The following EPHB1 variants were observed in gnomAD, a reference collection of about 807,000 sequenced individuals.
EPHB1 encodes EPH receptor B1.
EPHB1 carries 30 observed loss-of-function variants against 94.4 expected under a neutral mutation model. The observed-to-expected ratio is 0.32, with a 90% CI of 0.24 to 0.43. The LOEUF (loss-of-function observed/expected upper bound fraction) is 0.43. Among genes scored for constraint, EPHB1 ranks in the 20% least tolerant of loss-of-function variants. The pLI is 1.00. For missense variants in EPHB1, 1,055 were observed against 1,308.3 expected (o/e 0.81, Z 2.99); for synonymous variants, 522 against 489.1 (o/e 1.07, Z -0.89).
At chr3:135,222,381 A>G (rs769820192) in intron 12 of EPHB1, among the ~76,000 whole-genome samples, 1 of 152,164 alleles carries the variant, frequency 6.6e-6, no homozygotes, top group African/African-American at 2.4e-5. Flanking sequence ...TGTGATTGGT[A>G]AATGGGGGAG....
At position 135,095,570 on chromosome 3, in the gene EPHB1, A is replaced by G. The variant is rs73864256; in HGVS notation, c.806-10878A>G. ...GTTTCTTCCCAATTTCAAGCCTATCAAGTGGCTTCCGTGGACTTCAGGGTA... is the reference window on the plus strand; with the variant it reads ...GTTTCTTCCCAATTTCAAGCCTATCGAGTGGCTTCCGTGGACTTCAGGGTA... On this transcript the variant is annotated intron_variant, in intron 3 of 15. Coordinates refer to ENST00000398015, the MANE Select transcript of EPHB1 (RefSeq NM_004441.5). Among the ~76,000 whole-genome samples, 392 of 152,278 alleles carry G rather than the reference A, an allele frequency of 2.6e-3. 4 individuals are homozygous for G. Among genetic ancestry groups the G allele is most frequent in the African/African-American group, 9.0e-3 (375 of 41,558 alleles).
chr3:134,999,337 A>C (rs1392268953), intron 3 of EPHB1, among the ~76,000 whole-genome samples: 1 of 152,220 alleles, frequency 6.6e-6, no homozygotes, highest in African/African-American at 2.4e-5. Context: ...TTGTGACTAG[A>C]AACAGCAATT....
intron 6 of EPHB1, among the ~76,000 whole-genome samples, chr3:135,161,305 G>C (rs1318975031): frequency 1.3e-5 from 2 of 152,154 alleles, no homozygotes; most frequent in East Asian, 1.9e-4. Context: ...CTCATCCAGA[G>C]TAGGTGGGGG....
intron 3 of EPHB1, among the ~76,000 whole-genome samples, chr3:134,956,165 T>G (rs1490056211): frequency 6.6e-6 from 1 of 152,122 alleles, no homozygotes; most frequent in Non-Finnish European, 1.5e-5. Context: ...GCTCGAGGGC[T>G]GCAGTATCCC....
intron 1 of EPHB1, among the ~76,000 whole-genome samples, chr3:134,856,524 T>C (rs1220902722): frequency 6.6e-6 from 1 of 152,246 alleles, no homozygotes. Context: ...TGTATATTTC[T>C]GCCTGCCATC....
chr3:134,836,888 T>C (rs2036682203), intron 1 of EPHB1, among the ~76,000 whole-genome samples: 2 of 152,378 alleles, frequency 1.3e-5, no homozygotes, highest in African/African-American at 4.8e-5. Context: ...TAAGTTTGTC[T>C]AAAGAAAGGA....
At chr3:135,241,413 T>G (rs1020210302) in intron 13 of EPHB1, 116 bp downstream of exon 13, 21 of 1,330,882 alleles carry the variant, frequency 1.6e-5, no homozygotes, top group Non-Finnish European at 2.2e-5. Flanking sequence ...ACCTGCAGTG[T>G]TCAGGGTAGG....
At position 135,155,705 on chromosome 3, in the gene EPHB1, A is replaced by T. The variant is rs954942039; in HGVS notation, c.1422+1429A>T. ...CTCGGGAGGCTGAGGCTAGAGAATC[A>T]CTTGAACCCAGGAGGTGGAGGTTGC... is the stretch of plus-strand genomic sequence containing the variant. On this transcript the variant is annotated intron_variant, in intron 6 of 15. Coordinates refer to ENST00000398015, the MANE Select transcript of EPHB1 (RefSeq NM_004441.5). 2.1e-5 allele frequency among the ~76,000 whole-genome samples: 3 copies of T among 141,876 alleles called. No homozygotes were observed. In the South Asian group the frequency reaches 6.7e-4, roughly 32 times the overall value. 93.1% of individuals were successfully genotyped at this position (141,876 alleles called of 152,430 possible).
At chr3:135,096,740 T>C (rs1938783260) in intron 3 of EPHB1, among the ~76,000 whole-genome samples, 1 of 152,148 alleles carries the variant, frequency 6.6e-6, no homozygotes, top group African/African-American at 2.4e-5. Flanking sequence ...AGGCCATTAA[T>C]CCCATTTATG....
intron 1 of EPHB1, among the ~76,000 whole-genome samples, chr3:134,850,406 C>T (rs142228840): frequency 7.0e-4 from 106 of 152,314 alleles, no homozygotes; most frequent in Middle Eastern, 3.4e-3. Context: ...TGCTTCTCCA[C>T]GCCTGACCTC....
chr3:135,137,335 C>A (rs76855840), intron 5 of EPHB1, among the ~76,000 whole-genome samples: 116 of 152,264 alleles, frequency 7.6e-4, no homozygotes, highest in African/African-American at 2.8e-3. Flanking sequence ...ATTTTATAAG[C>A]TGAAAATCCA....
rs1933544877 is a variant in EPHB1 at position 135,259,197 on chromosome 3, A to G, written c.*77A>G. ...GGGACCAGAGGTTGACCACTGTGGA[A>G]TGTACTGGAGAGACTGGCTTCTCAG... On this transcript the variant is annotated 3_prime_UTR_variant, in exon 16 of 16. Coordinates refer to ENST00000398015, the MANE Select transcript of EPHB1 (RefSeq NM_004441.5). The G allele has an allele frequency of 8.6e-7, 1 of 1,161,788 alleles. No individual in the cohort carries two copies. The highest frequency in any genetic ancestry group is 1.3e-6 in the Non-Finnish European group (1 of 795,874). The allele number at this position is 1,161,788 out of a possible 1,614,324, so 72.0% of individuals were successfully genotyped here.
chr3:135,134,920 C>T (rs11713704), intron 5 of EPHB1, among the ~76,000 whole-genome samples: 28,418 of 151,948 alleles, frequency 0.19, 3,361 homozygotes, highest in Non-Finnish European at 0.27. Context: ...CTGCTATTCC[C>T]GAACCTGCCC....
At chr3:135,252,161 T>A (rs1235304717) in intron 15 of EPHB1, among the ~76,000 whole-genome samples, 5 of 151,918 alleles carry the variant, frequency 3.3e-5, no homozygotes, top group Non-Finnish European at 7.4e-5. Context: ...TGTTAAATTT[T>A]TTTTTCTGTC....
intron 10 of EPHB1, among the ~76,000 whole-genome samples, chr3:135,185,759 T>C (rs1478340857): frequency 1.3e-5 from 2 of 152,204 alleles, no homozygotes; most frequent in Non-Finnish European, 2.9e-5. Flanking sequence ...CTCTTGTTGC[T>C]ATGGAAAAGA....
Position 135,178,224 on chromosome 3 carries a change from A to AGTGGG in EPHB1, c.1760-1635_1760-1634insTGGGG, listed in dbSNP as rs1553744895. On this transcript the variant is annotated intron_variant, in intron 9 of 15. Transcript: ENST00000398015. ...ATCCCAGCACTTTGGGAGGCCGGGG[A>AGTGGG]GGGGGGGTGGATCATGAGGTCGGGA... 7.2e-5 allele frequency among the ~76,000 whole-genome samples: 10 copies of AGTGGG among 139,422 alleles called. 1 individual carries two copies. The highest frequency in any genetic ancestry group is 2.7e-4 in the African/African-American group (9 of 33,802). 91.5% of individuals were successfully genotyped at this position (139,422 alleles called of 152,430 possible).
chr3:135,176,376 A>C (rs1238754444), intron 9 of EPHB1, among the ~76,000 whole-genome samples: 2 of 152,204 alleles, frequency 1.3e-5, no homozygotes, highest in Admixed American at 1.3e-4. Context: ...ACGAGTACTG[A>C]GTCTAATTGT....
intron 7 of EPHB1, among the ~76,000 whole-genome samples, chr3:135,164,229 T>C (rs1941587624): frequency 6.6e-6 from 1 of 152,210 alleles, no homozygotes; most frequent in African/African-American, 2.4e-5. Flanking sequence ...ACTGAAAATT[T>C]TCCTTCAGTC....
chr3:135,099,178 C>T (rs1264959800), intron 3 of EPHB1, among the ~76,000 whole-genome samples: 5 of 152,152 alleles, frequency 3.3e-5, no homozygotes, highest in African/African-American at 1.2e-4. Context: ...TGAACACTCA[C>T]TCAATTAGCC....
Sources: allele counts gnomAD v4.1 joint callset (sites outside exome capture counted in the v4.1 genomes callset), GRCh38; gene constraint gnomAD v4.1.1; transcripts MANE v1.5; gene names NCBI Gene and HGNC (gene_info 2026-07-23, HGNC 2026-07-21).